MARCHF1: variants seen among roughly 807,000 people sequenced by gnomAD.
MARCHF1 encodes membrane associated ring-CH-type finger 1, also known as E3 ubiquitin-protein ligase MARCHF1.
In MARCHF1, 40 loss-of-function variants were observed where a neutral mutation model predicts 54.2. The observed-to-expected ratio is 0.74, with a 90% confidence interval of 0.57 to 0.96. The LOEUF is 0.96. Among genes scored for constraint, MARCHF1 ranks in the 40% least tolerant of loss-of-function variants. The pLI is 0.00. For synonymous variants in MARCHF1, 236 were observed against 236.3 expected, an observed-to-expected ratio of 1.00 and a Z score of 0.01; for missense variants, 586 against 656.5, an observed-to-expected ratio of 0.89 and a Z score of 1.17.
Position 164,028,047 on chromosome 4 carries a change from G to T in MARCHF1, c.-247-39338C>A, listed in dbSNP as rs191878754. Reference sequence around the variant, plus strand: ...ACAATATCTCATACTAGTCAAAATGGCTATTATTAAAAAGTCAAAAATAAT... The same window carrying T: ...ACAATATCTCATACTAGTCAAAATGTCTATTATTAAAAAGTCAAAAATAAT... On this transcript the variant is annotated intron_variant, in intron 2 of 9. Coordinates refer to ENST00000514618, the MANE Select transcript of MARCHF1 (RefSeq NM_001394959.1). Among the ~76,000 whole-genome samples the T allele has an allele frequency of 3.3e-5, 5 of 152,168 alleles. No individual in the cohort carries two copies. The East Asian group carries it at 9.6e-4, about 29-fold the overall frequency.
At chr4:164,296,793 C>T (rs1734422687) in intron 1 of MARCHF1, among the ~76,000 whole-genome samples, 1 of 152,154 alleles carries the variant, frequency 6.6e-6, no homozygotes, top group African/African-American at 2.4e-5. Context: ...GGTGAATTTT[C>T]AGGTTACTTA....
chr4:163,659,278 A>C (rs1743259332), intron 5 of MARCHF1, among the ~76,000 whole-genome samples: 1 of 152,034 alleles, frequency 6.6e-6, no homozygotes, highest in South Asian at 2.1e-4. Context: ...TCTTTGACAA[A>C]CCTCACAAAA....
At chr4:163,658,698 C>T (rs1743237199) in intron 5 of MARCHF1, among the ~76,000 whole-genome samples, 1 of 151,968 alleles carries the variant, frequency 6.6e-6, no homozygotes, top group Non-Finnish European at 1.5e-5. Flanking sequence ...GAAGAGAAAA[C>T]CAAACACTGC....
intron 8 of MARCHF1, among the ~76,000 whole-genome samples, chr4:163,578,376 G>C (rs536718120): frequency 5.9e-5 from 9 of 152,188 alleles, no homozygotes; most frequent in Middle Eastern, 3.4e-3. Context: ...AATTAAAGTA[G>C]TGTATCAATC....
chr4:163,682,128 A>G (rs1744124349), intron 5 of MARCHF1, among the ~76,000 whole-genome samples: 1 of 152,224 alleles, frequency 6.6e-6, no homozygotes, highest in Non-Finnish European at 1.5e-5. Context: ...TGTTCTTACT[A>G]TGCTCTAACC....
At chr4:163,596,900 T>G (rs116530078) in intron 7 of MARCHF1, among the ~76,000 whole-genome samples, 3 of 152,184 alleles carry the variant, frequency 2.0e-5, no homozygotes, top group African/African-American at 7.2e-5. Flanking sequence ...AATTTACATT[T>G]TCCCAGTGTG....
Position 163,886,392 on chromosome 4 carries a change from C to T in MARCHF1, c.-38-32223G>A, listed in dbSNP as rs117649346. ...AGACAGATAGAGGTACCTAGAGAGA[C>T]GGGGGGAGGGAGATGAATGTGTGGC... On this transcript the variant is annotated intron_variant, in intron 3 of 9. Transcript: ENST00000514618. Among the ~76,000 whole-genome samples the T allele has an allele frequency of 1.5e-3, 232 of 150,392 alleles. 4 individuals are homozygous for T. The East Asian group carries it at 0.038, about 24-fold the overall frequency.
intron 2 of MARCHF1, among the ~76,000 whole-genome samples, chr4:163,998,934 A>G (rs957839814): frequency 6.6e-6 from 1 of 151,736 alleles, no homozygotes. Flanking sequence ...GATATCTCTT[A>G]GACATAGTGA....
chr4:163,670,228 A>C (rs2111126886), intron 5 of MARCHF1, among the ~76,000 whole-genome samples: 1 of 152,156 alleles, frequency 6.6e-6, no homozygotes, highest in East Asian at 1.9e-4. Flanking sequence ...GGTTTTTCTA[A>C]GTCAGACATA....
intron 3 of MARCHF1, among the ~76,000 whole-genome samples, chr4:163,899,763 T>TACGCACACAC (rs1553961970): frequency 6.7e-6 from 1 of 148,752 alleles, no homozygotes; most frequent in Non-Finnish European, 1.5e-5. Flanking sequence ...TCTCACCCAC[T>TACGCACACAC]ACACACACAC....
At chr4:163,707,185 C>T (rs553420634) in intron 4 of MARCHF1, among the ~76,000 whole-genome samples, 10 of 151,998 alleles carry the variant, frequency 6.6e-5, no homozygotes, top group Non-Finnish European at 1.2e-4. Flanking sequence ...GAAAGATTTA[C>T]ATAGCTAAGA....
intron 2 of MARCHF1, among the ~76,000 whole-genome samples, chr4:164,007,410 C>T (rs1753318225): frequency 6.8e-6 from 1 of 148,122 alleles, no homozygotes; most frequent in Non-Finnish European, 1.5e-5. Context: ...GTATAAAATC[C>T]ACAGGTAAAA....
At chr4:163,742,397 CCCTT>C (rs201806407) in intron 4 of MARCHF1, among the ~76,000 whole-genome samples, 19,258 of 91,014 alleles carry the variant, frequency 0.21, 1,485 homozygotes, top group Middle Eastern at 0.26. Flanking sequence ...CTTCCTTCCT[CCCTT>C]CCTTCCTTCC....
chr4:164,156,385 T>C (rs1466005726), intron 1 of MARCHF1, among the ~76,000 whole-genome samples: 2 of 152,064 alleles, frequency 1.3e-5, no homozygotes, highest in African/African-American at 2.4e-5. Flanking sequence ...ATGGAGTCCA[T>C]AGAGAAATGG....
intron 3 of MARCHF1, among the ~76,000 whole-genome samples, chr4:163,957,773 C>G (rs1752259377): frequency 6.6e-6 from 1 of 151,978 alleles, no homozygotes; most frequent in Non-Finnish European, 1.5e-5. Context: ...TGGACCCACT[C>G]TACTTACATT....
Position 163,914,249 on chromosome 4 carries a change from T to C in MARCHF1, c.-38-60080A>G, listed in dbSNP as rs1751258335. The stretch of plus-strand genomic sequence containing the variant: ...TGACAATAAAATAAAAATAGAGGTT[T>C]ATATACATTTAAGAAACTTCTTTAA... On this transcript the variant is annotated intron_variant, in intron 3 of 9. Coordinates refer to ENST00000514618, the MANE Select transcript of MARCHF1 (RefSeq NM_001394959.1). Among the ~76,000 whole-genome samples the C allele has an allele frequency of 2.6e-5, 4 of 152,296 alleles. No individual in the cohort carries two copies. The South Asian group carries it at 8.3e-4, about 32-fold the overall frequency.
chr4:164,090,739 T>C (rs1040871240), intron 2 of MARCHF1, among the ~76,000 whole-genome samples: 2 of 151,894 alleles, frequency 1.3e-5, no homozygotes, highest in African/African-American at 4.8e-5. Context: ...GGCCCACACA[T>C]TAATAGGCAC....
intron 2 of MARCHF1, among the ~76,000 whole-genome samples, chr4:164,004,898 T>C (rs1753256215): frequency 6.6e-6 from 1 of 151,112 alleles, no homozygotes; most frequent in South Asian, 2.1e-4. Context: ...AGCAAAAAGG[T>C]CTAAAAGTGA....
chr4:163,590,753 G>T (rs1740563882), intron 7 of MARCHF1, among the ~76,000 whole-genome samples: 1 of 152,064 alleles, frequency 6.6e-6, no homozygotes, highest in Non-Finnish European at 1.5e-5. Flanking sequence ...GCTGTGCCAA[G>T]ATCTTGATTC....
Sources: gnomAD v4.1 joint callset for allele counts (sites outside exome capture counted in the v4.1 genomes callset) on GRCh38, gnomAD v4.1.1 for gene constraint, MANE v1.5 for transcripts, NCBI Gene and HGNC (gene_info 2026-07-23, HGNC 2026-07-21) for gene names.